The following PPP3CC variants were observed in gnomAD, a reference collection of about 807,000 sequenced individuals.
The protein encoded by PPP3CC is serine/threonine-protein phosphatase 2B catalytic subunit gamma isoform.
In PPP3CC, 35 loss-of-function variants were observed where a neutral mutation model predicts 60.3. The observed-to-expected ratio is 0.58, with a 90% CI of 0.44 to 0.77. The LOEUF (loss-of-function observed/expected upper bound fraction) is 0.77. PPP3CC is among the 30% of genes least tolerant of loss of function. PPP3CC has a pLI of 0.00. For synonymous variants in PPP3CC, 206 were observed against 224.3 expected (o/e 0.92, Z 0.73); for missense variants, 570 against 628.9 (o/e 0.91, Z 1.00).
chr8:22,493,480 T>C (rs1201970603), intron 3 of PPP3CC, among the ~76,000 whole-genome samples: 3 of 152,206 alleles, frequency 2.0e-5, no homozygotes, highest in South Asian at 2.1e-4. Flanking sequence ...CTAAGACTTA[T>C]GCAGCTGTAC....
chr8:22,529,171 A>C (rs1839638584), intron 10 of PPP3CC, among the ~76,000 whole-genome samples: 1 of 152,208 alleles, frequency 6.6e-6, no homozygotes, highest in Non-Finnish European at 1.5e-5. Context: ...GAAAATCAGG[A>C]ATAACACTTC....
In PPP3CC at chr8:22,445,875, G is replaced by A. The variant is rs116250262; in HGVS notation, c.49+4417G>A. 8.8e-3 allele frequency among the ~76,000 whole-genome samples: 1,343 copies of A among 152,272 alleles called. 31 individuals are homozygous for A. Among genetic ancestry groups the A allele is most frequent in the African/African-American group, 0.031 (1,291 of 41,544 alleles). ...AACTTTTGAAACATTCAAAATCAGT[G>A]CTAATCGAGATTCATACATCTGAGT... On this transcript the variant is annotated intron_variant, in intron 1 of 13. Transcript: ENST00000240139.
chr8:22,529,273 G>A (rs1839640044), intron 10 of PPP3CC, among the ~76,000 whole-genome samples: 2 of 152,150 alleles, frequency 1.3e-5, no homozygotes, highest in African/African-American at 4.8e-5. Flanking sequence ...AGAAATTTCT[G>A]ATACAGCCTC....
At chr8:22,513,016 C>T (rs966092151) in intron 5 of PPP3CC, among the ~76,000 whole-genome samples, 2 of 151,044 alleles carry the variant, frequency 1.3e-5, no homozygotes, top group Non-Finnish European at 2.9e-5. Flanking sequence ...GCGGAGTTTG[C>T]GGTGAGCCGA....
chr8:22,492,884 T>C, intron 3 of PPP3CC: 1 of 1,129,124 alleles, frequency 8.9e-7, no homozygotes, highest in Non-Finnish European at 1.3e-6. Flanking sequence ...CAGGCCATGC[T>C]GAGACAAAGC....
rs541712713 is a variant in PPP3CC, at chr8:22,498,129, C to T, written c.484+17C>T. 27 of 1,529,912 alleles carry T rather than the reference C, an allele frequency of 1.8e-5. No homozygotes were observed. The Admixed American group carries it at 2.8e-4, about 16-fold the overall frequency. 94.8% of individuals were successfully genotyped at this position (1,529,912 alleles called of 1,614,324 possible). On this transcript the variant is annotated intron_variant, in intron 4 of 13. Coordinates refer to ENST00000240139, the MANE Select transcript of PPP3CC (RefSeq NM_005605.5). ...AACAGGAATGTAAGTATAATCACTC[C>T]TCTAGAACCTTTTTAGTTACCCTTT...
chr8:22,502,638 T>G (rs1208072374), intron 4 of PPP3CC, among the ~76,000 whole-genome samples: 1 of 151,932 alleles, frequency 6.6e-6, no homozygotes, highest in East Asian at 1.9e-4. Flanking sequence ...CAGTCAGCTA[T>G]GATCACCACA....
At chr8:22,514,048 C>A (rs1473465387) in intron 6 of PPP3CC, among the ~76,000 whole-genome samples, 2 of 152,062 alleles carry the variant, frequency 1.3e-5, no homozygotes, top group Admixed American at 6.6e-5. Flanking sequence ...GAGTTCGAGA[C>A]CAGCCTGGCC....
chr8:22,505,305 G>A (rs1220193179), intron 4 of PPP3CC, among the ~76,000 whole-genome samples: 2 of 152,130 alleles, frequency 1.3e-5, no homozygotes, highest in Non-Finnish European at 2.9e-5. Context: ...GATTACAGGC[G>A]TGAGCCACCA....
At chr8:22,510,954 C>G in intron 4 of PPP3CC, 132 bp from the exon 5 acceptor site, 1 of 987,366 alleles carries the variant, frequency 1.0e-6, no homozygotes, top group Non-Finnish European at 1.5e-6. Flanking sequence ...AGTATCTTTA[C>G]AAAGATAATT....
chr8:22,493,658 A>C (rs1838475293), intron 3 of PPP3CC, among the ~76,000 whole-genome samples: 1 of 152,050 alleles, frequency 6.6e-6, no homozygotes. Context: ...TCACCTCCAC[A>C]TCTTGTCCCA....
chr8:22,513,493 A>G (rs1254097111), intron 6 of PPP3CC, 61 bp downstream of exon 6: 2 of 1,465,484 alleles, frequency 1.4e-6, no homozygotes, highest in East Asian at 2.4e-5. Context: ...TTATCAGATG[A>G]TTTTTCAGCA....
intron 3 of PPP3CC, among the ~76,000 whole-genome samples, chr8:22,493,462 G>A (rs1386619642): frequency 1.3e-5 from 2 of 151,972 alleles, no homozygotes; most frequent in Admixed American, 6.6e-5. Context: ...ATGAGTGAAT[G>A]TGAAGGCCTA....
chr8:22,487,233 A>C (rs374786606), intron 3 of PPP3CC, among the ~76,000 whole-genome samples: 74 of 152,352 alleles, frequency 4.9e-4, no homozygotes, highest in African/African-American at 1.7e-3. Flanking sequence ...CTGATCAAAG[A>C]GTAGAACATT....
intron 1 of PPP3CC, among the ~76,000 whole-genome samples, chr8:22,467,064 A>G (rs13271367): frequency 0.35 from 53,836 of 151,948 alleles, 10,404 homozygotes; most frequent in East Asian, 0.51. Flanking sequence ...CCAGTTTTGG[A>G]AAATAAAATG....
At chr8:22,481,489 A>G (rs1838068336) in intron 3 of PPP3CC, among the ~76,000 whole-genome samples, 1 of 151,522 alleles carries the variant, frequency 6.6e-6, no homozygotes, top group Admixed American at 6.6e-5. Context: ...AAGTTATAAG[A>G]TACCTAATGA....
intron 5 of PPP3CC, among the ~76,000 whole-genome samples, chr8:22,511,887 C>T (rs1269472045): frequency 5.3e-5 from 8 of 152,192 alleles, no homozygotes. Context: ...ACCTCTTAGT[C>T]ACATTTCTTC....
At chr8:22,448,448 C>G (rs1443731525) in intron 1 of PPP3CC, among the ~76,000 whole-genome samples, 7 of 147,026 alleles carry the variant, frequency 4.8e-5, no homozygotes, top group Non-Finnish European at 8.9e-5. Flanking sequence ...AGCGTGATCT[C>G]GGCTCACCGC....
intron 1 of PPP3CC, among the ~76,000 whole-genome samples, chr8:22,450,014 G>C (rs1836961679): frequency 6.6e-6 from 1 of 151,838 alleles, no homozygotes. Flanking sequence ...TTACAGGTGT[G>C]CGCCACCACA....
Sources: allele counts gnomAD v4.1 joint callset (sites outside exome capture counted in the v4.1 genomes callset), GRCh38; gene constraint gnomAD v4.1.1; transcripts MANE v1.5; gene names NCBI Gene and HGNC (gene_info 2026-07-23, HGNC 2026-07-21).